Variants in CDH12 observed in about 807,000 individuals in gnomAD.
The protein encoded by CDH12 is cadherin-12.
A neutral mutation model predicts 74.1 loss-of-function variants in CDH12; 41 were observed. The observed-to-expected ratio is 0.55, with a 90% CI of 0.43 to 0.72. The LOEUF (loss-of-function observed/expected upper bound fraction) is 0.72. Among genes scored for constraint, CDH12 ranks in the 30% least tolerant of loss-of-function variants. The probability of loss-of-function intolerance (pLI) is 0.00; values close to 1 mark genes in which losing one functional copy is unlikely to be tolerated. For synonymous variants in CDH12, 399 were observed against 355.0 expected (o/e 1.12, Z -1.39); for missense variants, 945 against 977.2 (o/e 0.97, Z 0.44).
intron 6 of CDH12, among the ~76,000 whole-genome samples, chr5:21,859,924 T>C (rs1750945469): frequency 6.6e-6 from 1 of 151,864 alleles, no homozygotes; most frequent in African/African-American, 2.4e-5. Context: ...GGCCTGTGAT[T>C]AACATCAATG....
At chr5:22,575,802 C>T (rs558515801) in intron 1 of CDH12, among the ~76,000 whole-genome samples, 23 of 152,080 alleles carry the variant, frequency 1.5e-4, no homozygotes, top group East Asian at 1.2e-3. Context: ...TGACCTCAAG[C>T]GATCCGCCTG....
At chr5:22,637,526 G>A (rs1221076854) in intron 1 of CDH12, among the ~76,000 whole-genome samples, 1 of 152,212 alleles carries the variant, frequency 6.6e-6, no homozygotes, top group Admixed American at 6.5e-5. Flanking sequence ...CAGGACAAAA[G>A]TACTCCTTTT....
chr5:22,112,081 A>G (rs1020564758), intron 4 of CDH12, among the ~76,000 whole-genome samples: 7 of 130,632 alleles, frequency 5.4e-5, no homozygotes, highest in African/African-American at 2.0e-4. Flanking sequence ...AGGTAAATTA[A>G]ACTGCTCTGC....
chr5:21,778,268 A>T (rs187417392), intron 11 of CDH12, among the ~76,000 whole-genome samples: 4 of 152,258 alleles, frequency 2.6e-5, no homozygotes, highest in African/African-American at 7.2e-5. Context: ...CTGAAAGTCC[A>T]TTCCTCATGC....
intron 1 of CDH12, among the ~76,000 whole-genome samples, chr5:22,724,543 T>C (rs1437362495): frequency 6.6e-6 from 1 of 152,020 alleles, no homozygotes; most frequent in Non-Finnish European, 1.5e-5. Context: ...TCCATTTCAG[T>C]TGCTGCAAAA....
At chr5:21,830,114 A>G (rs1244959797) in intron 8 of CDH12, among the ~76,000 whole-genome samples, 2 of 146,420 alleles carry the variant, frequency 1.4e-5, no homozygotes, top group African/African-American at 2.5e-5. Flanking sequence ...CAAGAGAATC[A>G]CTTAAACCCA....
Position 22,559,882 on chromosome 5 carries a change from T to A in CDH12, c.-522-54518A>T, listed in dbSNP as rs143512823. On this transcript the variant is annotated intron_variant, in intron 1 of 14. Coordinates refer to ENST00000382254, the MANE Select transcript of CDH12 (RefSeq NM_004061.5). ...TGAATATATTATGTCATACATGATG[T>A]AATCCATAAAGTTCCCTTAGCTCCA... 2.3e-3 allele frequency among the ~76,000 whole-genome samples: 353 copies of A among 152,306 alleles called. 5 individuals carry two copies. Among genetic ancestry groups the A allele is most frequent in the African/African-American group, 8.0e-3 (331 of 41,580 alleles).
At chr5:22,605,992 A>G (rs1198849506) in intron 1 of CDH12, among the ~76,000 whole-genome samples, 4 of 152,186 alleles carry the variant, frequency 2.6e-5, no homozygotes, top group African/African-American at 9.6e-5. Flanking sequence ...CTGTAGGGCA[A>G]CTAGTAGAGC....
At chr5:21,901,955 C>T (rs932785087) in intron 6 of CDH12, among the ~76,000 whole-genome samples, 5 of 152,058 alleles carry the variant, frequency 3.3e-5, no homozygotes, top group Non-Finnish European at 7.4e-5. Flanking sequence ...TATTCTTGTT[C>T]TGCTAGCCAC....
chr5:22,197,876 C>A (rs2150352100), intron 4 of CDH12, among the ~76,000 whole-genome samples: 1 of 152,220 alleles, frequency 6.6e-6, no homozygotes, highest in Non-Finnish European at 1.5e-5. Flanking sequence ...AATCCTTAAA[C>A]CTTTCTTATT....
At chr5:22,594,621 TAACTC>T (rs147466279) in intron 1 of CDH12, among the ~76,000 whole-genome samples, 9,349 of 152,190 alleles carry the variant, frequency 0.061, 394 homozygotes, top group East Asian at 0.22. Context: ...AAATATTTGT[TAACTC>T]AAGTCTCTAC....
intron 2 of CDH12, among the ~76,000 whole-genome samples, chr5:22,435,993 C>T (rs1239823988): frequency 6.6e-6 from 1 of 151,640 alleles, no homozygotes; most frequent in Non-Finnish European, 1.5e-5. Flanking sequence ...GCACTACTCA[C>T]AATAGCAAAG....
chr5:22,573,085 T>C (rs1739616997), intron 1 of CDH12, among the ~76,000 whole-genome samples: 1 of 152,212 alleles, frequency 6.6e-6, no homozygotes, highest in Non-Finnish European at 1.5e-5. Flanking sequence ...CCCATTTTGA[T>C]GATGTGCAAA....
intron 3 of CDH12, among the ~76,000 whole-genome samples, chr5:22,395,267 G>A (rs796269445): frequency 9.9e-5 from 15 of 152,204 alleles, no homozygotes; most frequent in African/African-American, 3.1e-4. Flanking sequence ...AGATCAGAGT[G>A]ATGTGACTGT....
chr5:21,824,760 A>G (rs1008280268), intron 8 of CDH12, among the ~76,000 whole-genome samples: 2 of 152,160 alleles, frequency 1.3e-5, no homozygotes, highest in African/African-American at 4.8e-5. Context: ...CCTACCACTC[A>G]CTTTTAGTAG....
chr5:22,315,227 G>A (rs968858436), intron 3 of CDH12, among the ~76,000 whole-genome samples: 2 of 149,620 alleles, frequency 1.3e-5, no homozygotes, highest in African/African-American at 4.9e-5. Context: ...CTCGCAAAGT[G>A]CTGGGATTAC....
intron 1 of CDH12, among the ~76,000 whole-genome samples, chr5:22,812,012 A>G (rs1749172160): frequency 6.6e-6 from 1 of 152,264 alleles, no homozygotes; most frequent in South Asian, 2.1e-4. Flanking sequence ...ATAAAAAAAC[A>G]TCTATGCCAA....
chr5:22,238,726 G>A (rs915503090), intron 3 of CDH12, among the ~76,000 whole-genome samples: 2 of 152,142 alleles, frequency 1.3e-5, no homozygotes, highest in Admixed American at 1.3e-4. Flanking sequence ...AGGAATGCAT[G>A]CATTTAAAAT....
intron 4 of CDH12, among the ~76,000 whole-genome samples, chr5:22,182,075 TTTG>T (rs2150338440): frequency 6.6e-6 from 1 of 152,244 alleles, no homozygotes; most frequent in Non-Finnish European, 1.5e-5. Flanking sequence ...ATTAGTTTTC[TTTG>T]AATTTAGAAT....
Sources: gnomAD v4.1 joint callset for allele counts (sites outside exome capture counted in the v4.1 genomes callset) on GRCh38, gnomAD v4.1.1 for gene constraint, MANE v1.5 for transcripts, NCBI Gene and HGNC (gene_info 2026-07-23, HGNC 2026-07-21) for gene names.